KLC4: variants seen among roughly 807,000 people sequenced by gnomAD.
KLC4 encodes the protein kinesin-like protein 8.
KLC4 carries 49 observed loss-of-function variants against 77.2 expected under a neutral mutation model. The observed-to-expected ratio is 0.63, with a 90% CI of 0.50 to 0.80. KLC4 has a LOEUF of 0.80. Among genes scored for constraint, KLC4 ranks in the 30% least tolerant of loss-of-function variants. The pLI is 0.00. For missense variants in KLC4, 669 were observed against 793.5 expected (o/e 0.84, Z 1.89); for synonymous variants, 274 against 314.5 (o/e 0.87, Z 1.36).
chr6:43,064,877 A>G (rs2150352886), intron 3 of KLC4, among the ~76,000 whole-genome samples: 1 of 152,310 alleles, frequency 6.6e-6, no homozygotes, highest in South Asian at 2.1e-4. Flanking sequence ...TAAGTCCAGA[A>G]TGAGCTGTGC....
intron 1 of KLC4, 184 bp from the exon 2 acceptor site, chr6:43,061,127 A>T: frequency 1.6e-6 from 1 of 629,018 alleles, no homozygotes; most frequent in Non-Finnish European, 2.8e-6. Context: ...CGCTTTGCCC[A>T]CAACCTTAGC....
rs966736126 is a variant in KLC4, at chr6:43,070,746, T to C, written c.1036T>C (p.Leu346=). The part of the protein sequence containing the change: ...VAKQLNNLAL[L]CQNQGKYEAV... Reference sequence around the variant, plus strand: ...AAAACAGCTGAACAACCTGGCCCTCTTGTGCCAAAACCAGGGCAAGTATGA... The same window carrying C: ...AAAACAGCTGAACAACCTGGCCCTCCTGTGCCAAAACCAGGGCAAGTATGA... Residue 346 remains leucine (L), a synonymous_variant, in exon 8 of 16, where the codon TTG becomes CTG. Transcript: ENST00000347162. The C allele has an allele frequency of 6.2e-7, 1 of 1,613,994 alleles. No homozygotes were observed. The highest frequency in any genetic ancestry group is 1.3e-5 in the African/African-American group (1 of 74,914).
intron 2 of KLC4, 136 bp downstream of exon 2, chr6:43,061,729 C>T (rs1765175238): frequency 1.1e-6 from 1 of 893,520 alleles, no homozygotes; most frequent in Non-Finnish European, 1.6e-6. Flanking sequence ...TAAGTCCCTA[C>T]TGTGTGCCAG....
intron 3 of KLC4, 31 bp from the exon 4 acceptor site, chr6:43,065,589 T>C: frequency 1.3e-6 from 2 of 1,510,474 alleles, no homozygotes; most frequent in Non-Finnish European, 1.8e-6. Context: ...AGGGATATCT[T>C]GGCCCTTATA....
rs369244308 is a variant in KLC4 at position 43,074,692 on chromosome 6, G to C, written c.*20G>C. On this transcript the variant is annotated 3_prime_UTR_variant, in exon 16 of 16. Coordinates refer to ENST00000347162, the MANE Select transcript of KLC4 (RefSeq NM_201521.3). Reference sequence around the variant, plus strand: ...AGCTGACATTCAACCCGGCCCCCAGGTCTGCTGGGTCCCCCCACCCCCACA... The same window carrying C: ...AGCTGACATTCAACCCGGCCCCCAGCTCTGCTGGGTCCCCCCACCCCCACA... 17 of 1,610,204 alleles carry C rather than the reference G, an allele frequency of 1.1e-5. No homozygotes were observed. The African/African-American group carries it at 2.3e-4, about 22-fold the overall frequency.
At chr6:43,064,848 G>A (rs1297931871) in intron 3 of KLC4, among the ~76,000 whole-genome samples, 1 of 152,186 alleles carries the variant, frequency 6.6e-6, no homozygotes, top group South Asian at 2.1e-4. Context: ...AGGTTAGACA[G>A]TGAGGGAGGG....
At position 43,061,512 on chromosome 6, in the gene KLC4, T is replaced by C. The variant is rs199566797; in HGVS notation, c.177T>C (p.His59=). ...QTIECLQQGG[H]EEGLVHEKAR... ...TTGAGTGTCTGCAGCAGGGAGGCCA[T>C]GAGGAAGGGCTGGTGCATGAGAAGG... Residue 59 remains histidine, a synonymous_variant, in exon 2 of 16, where the codon CAT becomes CAC. Transcript: ENST00000347162. 1 of 1,614,062 alleles carries C rather than the reference T, an allele frequency of 6.2e-7. No individual in the cohort carries two copies. Among genetic ancestry groups the C allele is most frequent in the Non-Finnish European group, 8.5e-7 (1 of 1,179,966 alleles).
intron 5 of KLC4, 47 bp from the exon 6 acceptor site, chr6:43,066,949 A>C: frequency 6.3e-7 from 1 of 1,583,630 alleles, no homozygotes; most frequent in Non-Finnish European, 8.6e-7. Context: ...GGGAAGGAGA[A>C]GGCTTGCGGG....
intron 1 of KLC4, chr6:43,060,564 C>G (rs1765093768): frequency 8.1e-7 from 1 of 1,235,488 alleles, no homozygotes; most frequent in East Asian, 4.8e-5. Flanking sequence ...CTTCCGTGCT[C>G]TGGCCTGAGT....
intron 8 of KLC4, 61 bp downstream of exon 8, chr6:43,070,926 AG>A (rs201530763): frequency 6.6e-5 from 7 of 106,680 alleles, no homozygotes; most frequent in Admixed American, 1.6e-4. Context: ...AGGTGGGGGG[AG>A]GGGGGGCAGG....
At position 43,071,269 on chromosome 6, in the gene KLC4, C is replaced by T. The variant is rs544043631; in HGVS notation, c.1156-6C>T. 2 of 1,601,706 alleles carry T rather than the reference C, an allele frequency of 1.2e-6. No homozygotes were observed. Among genetic ancestry groups the T allele is most frequent in the East Asian group, 2.2e-5 (1 of 44,752 alleles). ...GTTCCTGTATTTTTGCCTTTCTGTC[C>T]TCCAGGCTTCCTGTTACCTGAAACA... On this transcript the variant is annotated splice_polypyrimidine_tract_variant and splice_region_variant and intron_variant, in intron 8 of 15. Transcript: ENST00000347162.
At position 43,074,710 on chromosome 6, in the gene KLC4, C is replaced by T. The variant is rs1440473168; in HGVS notation, c.*38C>T. On this transcript the variant is annotated 3_prime_UTR_variant, in exon 16 of 16. Coordinates refer to ENST00000347162, the MANE Select transcript of KLC4 (RefSeq NM_201521.3). ...CCCCCAGGTCTGCTGGGTCCCCCCA[C>T]CCCCACAGCCCTCACAGCATTCCCC... is the stretch of plus-strand genomic sequence containing the variant. 11 of 1,549,012 alleles carry T rather than the reference C, an allele frequency of 7.1e-6. No individual in the cohort carries two copies. Among genetic ancestry groups the T allele is most frequent in the Non-Finnish European group, 9.8e-6 (11 of 1,120,436 alleles).
At chr6:43,070,117 A>T (rs1323417388) in intron 6 of KLC4, among the ~76,000 whole-genome samples, 1 of 148,188 alleles carries the variant, frequency 6.7e-6, no homozygotes, top group Non-Finnish European at 1.5e-5. Flanking sequence ...AAAAAGAAAG[A>T]AAAAAAACAC....
chr6:43,066,593 T>G (rs1765445366), intron 5 of KLC4, 68 bp downstream of exon 5: 1 of 1,397,452 alleles, frequency 7.2e-7, no homozygotes, highest in African/African-American at 1.4e-5. Context: ...CCTTTGGCTT[T>G]CATTTTTCCT....
chr6:43,066,773 CT>C (rs1246774627), intron 5 of KLC4, among the ~76,000 whole-genome samples: 6 of 152,186 alleles, frequency 3.9e-5, no homozygotes, highest in African/African-American at 1.4e-4. Context: ...TCTCTTCCCC[CT>C]GCCCCCTTGC....
chr6:43,061,243 C>T (rs1765137083), intron 1 of KLC4, 68 bp from the exon 2 acceptor site: 2 of 1,510,318 alleles, frequency 1.3e-6, no homozygotes, highest in Non-Finnish European at 1.8e-6. Flanking sequence ...TCCCACCACT[C>T]TCTGAGAAAG....
intron 6 of KLC4, among the ~76,000 whole-genome samples, chr6:43,068,419 G>T (rs964542043): frequency 9.9e-5 from 15 of 151,874 alleles, no homozygotes; most frequent in Non-Finnish European, 1.5e-5. Flanking sequence ...TTGCAGTGAG[G>T]TGAGATCGCG....
chr6:43,060,742 C>T (rs1042326452), intron 1 of KLC4: 2 of 511,160 alleles, frequency 3.9e-6, no homozygotes, highest in South Asian at 1.0e-4. Flanking sequence ...AGATGCTGGG[C>T]TTAGTTCTGC....
At chr6:43,070,136 A>G (rs1318148813) in intron 6 of KLC4, among the ~76,000 whole-genome samples, 2 of 151,618 alleles carry the variant, frequency 1.3e-5, no homozygotes, top group African/African-American at 2.4e-5. Flanking sequence ...ACCTCCAGAA[A>G]TTTCTTAAAA....
Sources: allele counts gnomAD v4.1 joint callset (sites outside exome capture counted in the v4.1 genomes callset), GRCh38; gene constraint gnomAD v4.1.1; transcripts MANE v1.5; gene names NCBI Gene and HGNC (gene_info 2026-07-23, HGNC 2026-07-21).